FILIP1: variants seen among roughly 807,000 people sequenced by gnomAD.
FILIP1 encodes filamin-A-interacting protein 1.
Under a neutral mutation model 102.1 loss-of-function variants are expected in FILIP1, and 61 were observed. The observed-to-expected ratio is 0.60, with a 90% CI of 0.49 to 0.74. FILIP1 has a LOEUF of 0.74. Ranked by LOEUF, FILIP1 falls within the 30% of genes least tolerant of loss-of-function variation. The pLI is 0.00. For missense variants in FILIP1, 1,314 were observed against 1,441.2 expected (o/e 0.91, Z 1.43); for synonymous variants, 491 against 526.9 (o/e 0.93, Z 0.93).
chr6:75,470,357 C>T (rs982017428), intron 1 of FILIP1, among the ~76,000 whole-genome samples: 1 of 152,080 alleles, frequency 6.6e-6, no homozygotes. Flanking sequence ...GTTCAAAAAA[C>T]AGACTCACAA....
intron 2 of FILIP1, among the ~76,000 whole-genome samples, chr6:75,403,878 A>G (rs1776744348): frequency 6.6e-6 from 1 of 152,218 alleles, no homozygotes; most frequent in African/African-American, 2.4e-5. Context: ...GCAGTTATCC[A>G]GTTATCTACT....
intron 1 of FILIP1, among the ~76,000 whole-genome samples, chr6:75,435,461 G>A (rs888922335): frequency 1.3e-5 from 2 of 152,016 alleles, no homozygotes; most frequent in South Asian, 4.2e-4. Flanking sequence ...TGTTTGATTC[G>A]GCCCAGATTC....
At chr6:75,475,114 T>C (rs1040118943) in intron 1 of FILIP1, among the ~76,000 whole-genome samples, 5 of 152,244 alleles carry the variant, frequency 3.3e-5, no homozygotes, top group Non-Finnish European at 7.3e-5. Flanking sequence ...GGCATGTCTT[T>C]ATGGCAATGC....
At chr6:75,413,970 T>C (rs931945055) in intron 2 of FILIP1, among the ~76,000 whole-genome samples, 2 of 150,558 alleles carry the variant, frequency 1.3e-5, no homozygotes, top group Non-Finnish European at 3.0e-5. Context: ...GGAAAGAGCA[T>C]AGGACGAAGA....
At chr6:75,343,169 G>A (rs775726650) in intron 4 of FILIP1, among the ~76,000 whole-genome samples, 16 of 152,150 alleles carry the variant, frequency 1.1e-4, no homozygotes, top group Non-Finnish European at 2.4e-4. Flanking sequence ...AAGCCCACGT[G>A]AGCACACAGG....
intron 4 of FILIP1, among the ~76,000 whole-genome samples, chr6:75,343,623 A>G (rs956088163): frequency 6.6e-6 from 1 of 152,110 alleles, no homozygotes; most frequent in Admixed American, 6.5e-5. Flanking sequence ...CTATACCTGG[A>G]TCCTTGCTTT....
chr6:75,326,947 C>T (rs1165679542), intron 4 of FILIP1, among the ~76,000 whole-genome samples: 18 of 152,158 alleles, frequency 1.2e-4, no homozygotes, highest in Admixed American at 1.1e-3. Flanking sequence ...AAGATGACCC[C>T]AATTATTAAT....
intron 4 of FILIP1, among the ~76,000 whole-genome samples, chr6:75,340,861 ATTTTTTTTTT>A (rs59666589): frequency 5.1e-4 from 48 of 94,310 alleles, no homozygotes; most frequent in Admixed American, 3.2e-3. Context: ...ATGCTCAGGA[ATTTTTTTTTT>A]TTTTTTTTTT....
intron 1 of FILIP1, among the ~76,000 whole-genome samples, chr6:75,415,525 A>G (rs756469702): frequency 3.3e-4 from 49 of 146,550 alleles, no homozygotes; most frequent in Non-Finnish European, 5.4e-4. Flanking sequence ...GTTGGATGTC[A>G]CAGTGTGGAA....
intron 1 of FILIP1, among the ~76,000 whole-genome samples, chr6:75,452,934 A>C (rs1156313436): frequency 6.6e-6 from 1 of 152,254 alleles, no homozygotes; most frequent in East Asian, 1.9e-4. Context: ...AAAAAGCCAG[A>C]TGGAAGAATA....
At chr6:75,324,875 G>A (rs935759081) in intron 4 of FILIP1, among the ~76,000 whole-genome samples, 1 of 152,126 alleles carries the variant, frequency 6.6e-6, no homozygotes, top group African/African-American at 2.4e-5. Context: ...TGGGATAATT[G>A]GCAAGCCGCA....
chr6:75,360,372 T>C (rs1053772766), intron 3 of FILIP1, among the ~76,000 whole-genome samples: 3 of 152,220 alleles, frequency 2.0e-5, no homozygotes, highest in African/African-American at 7.2e-5. Flanking sequence ...AATAATTCTT[T>C]AGATTCTTCA....
At chr6:75,315,344 A>G in intron 4 of FILIP1, 142 bp from the exon 5 acceptor site, 4 of 587,988 alleles carry the variant, frequency 6.8e-6, no homozygotes, top group South Asian at 6.3e-5. Context: ...ATAGCCATTA[A>G]TGAAATGAAT....
chr6:75,489,327 T>G (rs1779889092), intron 1 of FILIP1, among the ~76,000 whole-genome samples: 1 of 152,122 alleles, frequency 6.6e-6, no homozygotes. Flanking sequence ...AAATTGTGTC[T>G]GCTTAGAGTA....
At chr6:75,321,831 T>G (rs986550218) in intron 4 of FILIP1, among the ~76,000 whole-genome samples, 2 of 149,284 alleles carry the variant, frequency 1.3e-5, no homozygotes, top group African/African-American at 2.5e-5. Flanking sequence ...GAATGTGATC[T>G]CCAAAGTAGA....
rs560325324 is a variant in FILIP1, at chr6:75,353,978, G to T, written c.451-261C>A. ...GGTTCCTAAACTTCTTTCCTTTTTT[G>T]GGGGGGTGGGATATACCATAATTTT... On this transcript the variant is annotated intron_variant, in intron 3 of 5. Transcript: ENST00000237172. Among the ~76,000 whole-genome samples, 20 of 151,678 alleles carry T rather than the reference G, an allele frequency of 1.3e-4. No homozygotes were observed. The South Asian group carries it at 1.5e-3, about 11-fold the overall frequency.
At chr6:75,353,859 G>A in intron 3 of FILIP1, 142 bp from the exon 4 acceptor site, 3 of 787,154 alleles carry the variant, frequency 3.8e-6, no homozygotes, top group Non-Finnish European at 3.9e-6. Context: ...TTCCCCCATT[G>A]TATCAGTTTC....
At chr6:75,388,191 G>A (rs1212597185) in intron 2 of FILIP1, among the ~76,000 whole-genome samples, 1 of 152,130 alleles carries the variant, frequency 6.6e-6, no homozygotes, top group Admixed American at 6.5e-5. Flanking sequence ...TCAGGTGGTT[G>A]TAGATGTGTG....
chr6:75,372,819 T>A (rs1775622105), intron 2 of FILIP1, among the ~76,000 whole-genome samples: 1 of 149,968 alleles, frequency 6.7e-6, no homozygotes, highest in Non-Finnish European at 1.5e-5. Context: ...AGAAAAGAGT[T>A]GGTGAGGGTA....
Sources: gnomAD v4.1 joint callset for allele counts (sites outside exome capture counted in the v4.1 genomes callset) on GRCh38, gnomAD v4.1.1 for gene constraint, MANE v1.5 for transcripts, NCBI Gene and HGNC (gene_info 2026-07-23, HGNC 2026-07-21) for gene names.